The following CHST11 variants were observed in gnomAD, a reference collection of about 807,000 sequenced individuals.
The protein encoded by CHST11 is carbohydrate sulfotransferase 11.
CHST11 carries 9 observed loss-of-function variants against 30.4 expected under a neutral mutation model. The ratio of observed to expected loss-of-function variants is 0.30; its 90% CI spans 0.18 to 0.52. The LOEUF is 0.52. Among genes scored for constraint, CHST11 ranks in the 20% least tolerant of loss-of-function variants. The pLI is 0.97. For synonymous variants in CHST11, 152 were observed against 187.8 expected, an observed-to-expected ratio of 0.81 and a Z score of 1.56; for missense variants, 348 against 460.6, an observed-to-expected ratio of 0.76 and a Z score of 2.24.
chr12:104,589,092 A>G (rs2038833112), intron 1 of CHST11: 1 of 152,204 alleles, frequency 6.6e-6, no homozygotes, highest in Non-Finnish European at 1.5e-5. Flanking sequence ...TCCTACTTGT[A>G]TGAAGTACTT....
At chr12:104,629,015 C>T (rs569404869) in intron 2 of CHST11, among the ~76,000 whole-genome samples, 3 of 152,294 alleles carry the variant, frequency 2.0e-5, no homozygotes, top group Non-Finnish European at 4.4e-5. Context: ...AGGATAACGG[C>T]ACCCCAAGCT....
intron 1 of CHST11, among the ~76,000 whole-genome samples, chr12:104,544,161 AGAAAG>A (rs2038317542): frequency 2.9e-5 from 1 of 33,906 alleles, no homozygotes; most frequent in Non-Finnish European, 7.3e-5. Context: ...AAAGAAAGAA[AGAAAG>A]AAAGAAAGAA....
chr12:104,584,693 C>T (rs2038784420), intron 1 of CHST11, among the ~76,000 whole-genome samples: 1 of 150,864 alleles, frequency 6.6e-6, no homozygotes, highest in African/African-American at 2.4e-5. Context: ...ACTCCATTTT[C>T]ATGTCTTCAT....
At chr12:104,657,020 T>TA (rs914169851) in intron 2 of CHST11, among the ~76,000 whole-genome samples, 2 of 151,808 alleles carry the variant, frequency 1.3e-5, no homozygotes, top group African/African-American at 4.8e-5. Flanking sequence ...TTTTTTTTTT[T>TA]TAAATTGATG....
At chr12:104,543,987 G>C (rs1317394990) in intron 1 of CHST11, among the ~76,000 whole-genome samples, 1 of 151,814 alleles carries the variant, frequency 6.6e-6, no homozygotes, top group African/African-American at 2.4e-5. Context: ...AGCCGAGCCT[G>C]GTGGCATACA....
intron 2 of CHST11, among the ~76,000 whole-genome samples, chr12:104,621,898 C>G (rs551995446): frequency 1.3e-4 from 20 of 152,298 alleles, no homozygotes; most frequent in Admixed American, 3.9e-4. Context: ...TGGGAGAGGC[C>G]AGGTCTGTGA....
chr12:104,577,913 A>G (rs2038701333), intron 1 of CHST11, among the ~76,000 whole-genome samples: 1 of 152,212 alleles, frequency 6.6e-6, no homozygotes, highest in Non-Finnish European at 1.5e-5. Flanking sequence ...TGCTGACTTC[A>G]TAAGTACAAC....
intron 1 of CHST11, among the ~76,000 whole-genome samples, chr12:104,587,218 T>A (rs920393682): frequency 1.3e-5 from 2 of 152,222 alleles, no homozygotes; most frequent in African/African-American, 4.8e-5. Context: ...AAATTTCGAA[T>A]CTTACTCTTC....
At chr12:104,586,851 C>T (rs940569030) in intron 1 of CHST11, among the ~76,000 whole-genome samples, 7 of 152,208 alleles carry the variant, frequency 4.6e-5, no homozygotes, top group Admixed American at 4.6e-4. Flanking sequence ...TGCTGTCTCT[C>T]TTGTTTTATT....
chr12:104,568,328 C>A (rs886342375), intron 1 of CHST11, among the ~76,000 whole-genome samples: 1 of 152,154 alleles, frequency 6.6e-6, no homozygotes, highest in Non-Finnish European at 1.5e-5. Context: ...GTGCCAGTGG[C>A]CCCCCTCCCA....
rs1408401641 is a variant in CHST11, at chr12:104,760,254, C to T, written c.*2451C>T. 1.1e-5 allele frequency: 1 copy of T among 90,198 alleles called. No individual in the cohort carries two copies. Among genetic ancestry groups the T allele is most frequent in the African/African-American group, 3.6e-5 (1 of 28,122 alleles). The allele number at this position is 90,198 out of a possible 1,614,324, so 5.6% of individuals were successfully genotyped here. ...AAAAACTGCCACCCCAACACCCTTC[C>T]ATTAAAAAAAAAATACAAAATAGCA... On this transcript the variant is annotated 3_prime_UTR_variant, in exon 3 of 3. Transcript: ENST00000303694.
intron 2 of CHST11, among the ~76,000 whole-genome samples, chr12:104,748,274 A>C (rs1279554481): frequency 1.3e-5 from 2 of 152,184 alleles, no homozygotes; most frequent in African/African-American, 4.8e-5. Context: ...AGTCATTTCC[A>C]AATAGTATAA....
intron 2 of CHST11, among the ~76,000 whole-genome samples, chr12:104,622,252 C>T (rs2039167311): frequency 2.0e-5 from 3 of 152,176 alleles, no homozygotes; most frequent in Non-Finnish European, 4.4e-5. Context: ...GACAACCACA[C>T]ATTCAACGTG....
intron 2 of CHST11, among the ~76,000 whole-genome samples, chr12:104,742,425 C>T (rs1020214331): frequency 1.3e-5 from 2 of 152,254 alleles, no homozygotes; most frequent in African/African-American, 4.8e-5. Context: ...CCATGCTCCT[C>T]CTCCCCTACT....
At chr12:104,573,921 G>A (rs1211456772) in intron 1 of CHST11, among the ~76,000 whole-genome samples, 1 of 152,106 alleles carries the variant, frequency 6.6e-6, no homozygotes, top group East Asian at 1.9e-4. Context: ...GAGTGAACAG[G>A]CAACCTACAG....
At chr12:104,528,946 G>A (rs996671414) in intron 1 of CHST11, among the ~76,000 whole-genome samples, 1 of 152,206 alleles carries the variant, frequency 6.6e-6, no homozygotes, top group African/African-American at 2.4e-5. Flanking sequence ...AAGAAATGTA[G>A]AAATTCAGTA....
At chr12:104,623,603 G>A (rs1448281775) in intron 2 of CHST11, among the ~76,000 whole-genome samples, 1 of 152,056 alleles carries the variant, frequency 6.6e-6, no homozygotes, top group East Asian at 1.9e-4. Context: ...CCAGCTACTC[G>A]GGAGGCTGAG....
At chr12:104,743,768 C>T (rs2040367180) in intron 2 of CHST11, among the ~76,000 whole-genome samples, 1 of 152,124 alleles carries the variant, frequency 6.6e-6, no homozygotes, top group Non-Finnish European at 1.5e-5. Flanking sequence ...CTCCTCCCAC[C>T]TTCCACCCTC....
At chr12:104,497,307 G>C (rs1388256232) in intron 1 of CHST11, among the ~76,000 whole-genome samples, 3 of 152,294 alleles carry the variant, frequency 2.0e-5, no homozygotes, top group African/African-American at 4.8e-5. Context: ...AGAAAATTTG[G>C]ATGCACGGAG....
Sources: gnomAD v4.1 joint callset for allele counts (sites outside exome capture counted in the v4.1 genomes callset) on GRCh38, gnomAD v4.1.1 for gene constraint, MANE v1.5 for transcripts, NCBI Gene and HGNC (gene_info 2026-07-23, HGNC 2026-07-21) for gene names.